The following KAT6A variants were observed in gnomAD, a reference collection of about 807,000 sequenced individuals.
KAT6A encodes lysine acetyltransferase 6A.
KAT6A carries 9 observed loss-of-function variants against 198.4 expected under a neutral mutation model. The ratio of observed to expected loss-of-function variants is 0.05; its 90% CI spans 0.03 to 0.08. The LOEUF is 0.08. Among genes scored for constraint, KAT6A ranks in the 10% least tolerant of loss-of-function variants. The probability of loss-of-function intolerance (pLI) is 1.00; values close to 1 mark genes in which losing one functional copy is unlikely to be tolerated. For missense variants in KAT6A, 2,077 were observed against 2,509.9 expected, an observed-to-expected ratio of 0.83 and a Z score of 3.69; for synonymous variants, 890 against 883.0, an observed-to-expected ratio of 1.01 and a Z score of -0.14.
At chr8:42,008,425 C>T (rs1475535959) in intron 2 of KAT6A, among the ~76,000 whole-genome samples, 2 of 152,140 alleles carry the variant, frequency 1.3e-5, no homozygotes, top group Admixed American at 6.5e-5. Flanking sequence ...GCAACCTCTG[C>T]CTCCTGGGTT....
At chr8:42,040,165 TAAAAAA>T (rs548431449) in intron 2 of KAT6A, among the ~76,000 whole-genome samples, 2 of 147,846 alleles carry the variant, frequency 1.4e-5, no homozygotes, top group Non-Finnish European at 1.5e-5. Flanking sequence ...TTAAAACACT[TAAAAAA>T]AAAAGTCCCT....
chr8:41,939,216 G>T (rs980256141), intron 15 of KAT6A, among the ~76,000 whole-genome samples: 1 of 152,160 alleles, frequency 6.6e-6, no homozygotes, highest in Non-Finnish European at 1.5e-5. Context: ...CTCTGAGGGG[G>T]TAGAAATCTT....
rs1294596487 is a variant in KAT6A, at chr8:42,007,132, CGT to C, written c.601-19571_601-19570del. On this transcript the variant is annotated intron_variant, in intron 2 of 16. Coordinates refer to ENST00000265713, the MANE Select transcript of KAT6A (RefSeq NM_006766.5). ...GTCATAAGAAACAAATAGGAAATAC[CGT>C]GTGCTGAAATCAGGAGTTATAAATA... Among the ~76,000 whole-genome samples, 33 of 151,948 alleles carry C rather than the reference CGT, an allele frequency of 2.2e-4. 1 individual carries two copies. Among genetic ancestry groups the C allele is most frequent in the Admixed American group, 2.0e-4 (3 of 15,262 alleles).
intron 8 of KAT6A, among the ~76,000 whole-genome samples, chr8:41,970,945 C>CT (rs1199736309): frequency 1.3e-5 from 2 of 152,058 alleles, no homozygotes; most frequent in Admixed American, 6.6e-5. Context: ...AGCTGGAAAT[C>CT]ATCATTCTCA....
At chr8:41,936,414 T>C (rs2150858300) in intron 16 of KAT6A, among the ~76,000 whole-genome samples, 1 of 152,376 alleles carries the variant, frequency 6.6e-6, no homozygotes, top group Non-Finnish European at 1.5e-5. Flanking sequence ...TAAAGGTTTA[T>C]GTACCAAGAC....
At chr8:41,987,667 G>C in intron 2 of KAT6A, 104 bp from the exon 3 acceptor site, 1 of 759,458 alleles carries the variant, frequency 1.3e-6, no homozygotes, top group South Asian at 1.7e-5. Context: ...GTAAGTTTAG[G>C]ACAATTGTAT....
At chr8:42,034,936 T>G (rs116492708) in intron 2 of KAT6A, among the ~76,000 whole-genome samples, 1,626 of 152,282 alleles carry the variant, frequency 0.011, 35 homozygotes, top group African/African-American at 0.037. Context: ...GTAGTCCCAG[T>G]GTGGGATAGA....
chr8:41,987,082 G>GT (rs1255700991), intron 3 of KAT6A, among the ~76,000 whole-genome samples: 4 of 152,100 alleles, frequency 2.6e-5, no homozygotes, highest in African/African-American at 4.8e-5. Flanking sequence ...CTGTAGCCCC[G>GT]TAAGGTCATA....
intron 2 of KAT6A, among the ~76,000 whole-genome samples, chr8:41,992,491 T>C (rs1564050077): frequency 6.6e-6 from 1 of 152,192 alleles, no homozygotes; most frequent in Non-Finnish European, 1.5e-5. Context: ...GATCAAATGA[T>C]GTGTCAACTC....
intron 2 of KAT6A, among the ~76,000 whole-genome samples, chr8:42,028,986 G>A (rs534369734): frequency 2.0e-5 from 3 of 152,284 alleles, no homozygotes; most frequent in Admixed American, 1.3e-4. Context: ...GGGCCATCTA[G>A]TGTTGATAAA....
At chr8:41,957,159 A>G (rs1383797785) in intron 8 of KAT6A, 1 of 596,622 alleles carries the variant, frequency 1.7e-6, no homozygotes, top group Admixed American at 1.9e-5. Context: ...AGCTGTTTGC[A>G]CATCACCACA....
chr8:41,938,954 GAAAAAAAAAAA>G (rs894664976), intron 15 of KAT6A, among the ~76,000 whole-genome samples: 3 of 75,768 alleles, frequency 4.0e-5, no homozygotes, highest in Non-Finnish European at 5.3e-5. Flanking sequence ...TCTGGGGAAG[GAAAAAAAAAAA>G]AAAAAAAAAA....
intron 2 of KAT6A, among the ~76,000 whole-genome samples, chr8:42,034,807 T>G (rs1487648540): frequency 3.3e-5 from 5 of 152,200 alleles, no homozygotes; most frequent in Non-Finnish European, 7.3e-5. Context: ...AGCCCAGATG[T>G]ATATTAACTC....
chr8:42,014,699 C>A (rs568187919), intron 2 of KAT6A, among the ~76,000 whole-genome samples: 5 of 152,116 alleles, frequency 3.3e-5, no homozygotes, highest in African/African-American at 1.2e-4. Flanking sequence ...GCTCGGAGGA[C>A]AGCATATTAG....
chr8:42,025,917 ATTTAAGTCTTTAATCCAT>A (rs1826792968), intron 2 of KAT6A, among the ~76,000 whole-genome samples: 1 of 152,112 alleles, frequency 6.6e-6, no homozygotes, highest in African/African-American at 2.4e-5. Flanking sequence ...CAGACCTTAC[ATTTAAGTCTTTAATCCAT>A]TCTGAGCTGA....
In KAT6A at chr8:41,933,295, C is replaced by A; in HGVS notation, c.4925G>T (p.Arg1642Met). ...CTGCTGCTGCTGGTTACTGGGAGGC[C>A]TCTCCACCACGCAGCTCTGAGGTGA... Reference protein sequence around the residue: ...IKSPQSCVVERPPSNQQQQPP... With the variant: ...IKSPQSCVVEMPPSNQQQQPP... The change falls in exon 17 of 17, where the codon AGG becomes ATG. Residue 1642 changes from arginine to methionine, a missense_variant. Physicochemically the swap from Arg to Met is moderately conservative, Grantham distance 91. This residue lies in a region of KAT6A where 500 missense variants were observed against 577.2 expected (regional missense o/e 0.87). Coordinates refer to ENST00000265713, the MANE Select transcript of KAT6A (RefSeq NM_006766.5). The surrounding 1 kb of genome is among the most constrained non-coding windows in gnomAD (Gnocchi z 6.2). 1 of 1,579,960 alleles carries A rather than the reference C, an allele frequency of 6.3e-7. No individual in the cohort carries two copies. Among genetic ancestry groups the A allele is most frequent in the Non-Finnish European group, 8.6e-7 (1 of 1,168,272 alleles).
intron 2 of KAT6A, among the ~76,000 whole-genome samples, chr8:42,030,731 A>T (rs1279585387): frequency 6.6e-6 from 1 of 151,664 alleles, no homozygotes; most frequent in African/African-American, 2.4e-5. Context: ...CACCTGACAA[A>T]TTTTTTGTTG....
chr8:41,990,820 C>T (rs1470274368), intron 2 of KAT6A, among the ~76,000 whole-genome samples: 3 of 152,000 alleles, frequency 2.0e-5, no homozygotes, highest in East Asian at 1.9e-4. Flanking sequence ...GGTAAAACCC[C>T]GTCTCTACTA....
At chr8:42,019,385 T>C (rs147245022) in intron 2 of KAT6A, among the ~76,000 whole-genome samples, 1 of 152,316 alleles carries the variant, frequency 6.6e-6, no homozygotes, top group East Asian at 1.9e-4. Context: ...GGAACATTTT[T>C]TTCCTCAGTT....
Sources: allele counts gnomAD v4.1 joint callset (sites outside exome capture counted in the v4.1 genomes callset), GRCh38; gene constraint gnomAD v4.1.1; regional missense constraint gnomAD v4.1.1; non-coding constraint Gnocchi (gnomAD v3.1); transcripts MANE v1.5; gene names NCBI Gene and HGNC (gene_info 2026-07-23, HGNC 2026-07-21).